The following CDH4 variants were observed in gnomAD, a reference collection of about 807,000 sequenced individuals.
CDH4 encodes cadherin-4.
Under a neutral mutation model 86.0 loss-of-function variants are expected in CDH4, and 33 were observed. That is an observed-to-expected ratio of 0.38 (90% CI 0.29 to 0.51). CDH4 has a LOEUF of 0.51. CDH4 is among the 20% of genes least tolerant of loss of function. The pLI is 0.86. For missense variants in CDH4, 1,114 were observed against 1,307.4 expected, an observed-to-expected ratio of 0.85 and a Z score of 2.28; for synonymous variants, 555 against 549.4, an observed-to-expected ratio of 1.01 and a Z score of -0.14.
chr20:61,934,113 G>A lies in CDH4; in HGVS notation c.2437G>A (p.Ala813Thr), dbSNP rs772746034. 1.1e-5 allele frequency: 17 copies of A among 1,611,416 alleles called. No individual in the cohort carries two copies. Among genetic ancestry groups the A allele is most frequent in the Non-Finnish European group, 1.3e-5 (15 of 1,179,784 alleles). ...AGCCATGGGGCACGTGCCAAGCAAA[G>A]CCCCTGGCGTGCGTCGCGTGGATGA... ...PEAMGHVPSK[A>T]PGVRRVDERP... Residue 813 changes from alanine (A) to threonine (T), a missense_variant, in exon 15 of 16, where the codon GCC becomes ACC. By Grantham distance (58) the Ala-to-Thr change is moderately conservative (BLOSUM62 0). Transcript: ENST00000614565.
At chr20:61,848,167 C>CA (rs1183311664) in intron 5 of CDH4, among the ~76,000 whole-genome samples, 1 of 152,240 alleles carries the variant, frequency 6.6e-6, no homozygotes, top group Non-Finnish European at 1.5e-5. Context: ...GGACCTGGGT[C>CA]CCACACCTGC....
intron 2 of CDH4, among the ~76,000 whole-genome samples, chr20:61,305,779 C>T (rs776518015): frequency 2.0e-5 from 3 of 152,162 alleles, no homozygotes; most frequent in Non-Finnish European, 2.9e-5. Flanking sequence ...AAAGATGCTG[C>T]CACATCACAA....
At chr20:61,595,070 G>T (rs960775218) in intron 2 of CDH4, among the ~76,000 whole-genome samples, 1 of 152,220 alleles carries the variant, frequency 6.6e-6, no homozygotes, top group Non-Finnish European at 1.5e-5. Context: ...CAGAGTGGTT[G>T]GTCACATGTC....
chr20:61,713,531 G>A (rs996762376), intron 2 of CDH4, among the ~76,000 whole-genome samples: 2 of 152,262 alleles, frequency 1.3e-5, no homozygotes, highest in African/African-American at 4.8e-5. Context: ...GAGCTCCCCA[G>A]GACGGAGAGC....
Position 61,807,162 on chromosome 20 carries a change from G to GGCCTC in CDH4, c.576+33982_576+33986dup, listed in dbSNP as rs1174759941. The stretch of plus-strand genomic sequence containing the variant: ...AGGCCAGTGGGGCAGGTGCCGGGAG[G>GGCCTC]GCCTCGGGAGGTGCCTGGTGGGTCC... On this transcript the variant is annotated intron_variant, in intron 4 of 15. Coordinates refer to ENST00000614565, the MANE Select transcript of CDH4 (RefSeq NM_001794.5). This position sits in a 1 kb window ranked among gnomAD's most constrained non-coding sequence, Gnocchi z 4.5. 3.3e-5 allele frequency among the ~76,000 whole-genome samples: 5 copies of GGCCTC among 152,348 alleles called. No homozygotes were observed. The East Asian group carries it at 9.7e-4, about 29-fold the overall frequency.
At chr20:61,649,362 C>T (rs973548098) in intron 2 of CDH4, among the ~76,000 whole-genome samples, 1 of 152,154 alleles carries the variant, frequency 6.6e-6, no homozygotes, top group Non-Finnish European at 1.5e-5. Context: ...GCCGTGTAGG[C>T]CAGGTGTGTG....
rs6089235 is a variant in CDH4 at position 61,516,438 on chromosome 20, G to A, written c.170-227125G>A. Reference sequence around the variant, plus strand: ...CTCCGACTCCTCATCACCAGATGCCGCTGCGGCTTCCATTTTACAGACCGG... The same window carrying A: ...CTCCGACTCCTCATCACCAGATGCCACTGCGGCTTCCATTTTACAGACCGG... On this transcript the variant is annotated intron_variant, in intron 2 of 15. Coordinates refer to ENST00000614565, the MANE Select transcript of CDH4 (RefSeq NM_001794.5). This position sits in a 1 kb window ranked among gnomAD's most constrained non-coding sequence, Gnocchi z 4.0. Among the ~76,000 whole-genome samples the A allele has an allele frequency of 0.022, 3,391 of 152,252 alleles. 47 individuals carry two copies. The highest frequency in any genetic ancestry group is 0.035 in the Non-Finnish European group (2,369 of 68,020).
chr20:61,424,105 T>C (rs755673000), intron 2 of CDH4, among the ~76,000 whole-genome samples: 3 of 150,996 alleles, frequency 2.0e-5, no homozygotes, highest in Non-Finnish European at 3.0e-5. Flanking sequence ...TATACACACA[T>C]ATACACACAT....
intron 2 of CDH4, among the ~76,000 whole-genome samples, chr20:61,531,324 T>C (rs910847738): frequency 6.6e-6 from 1 of 150,964 alleles, no homozygotes; most frequent in African/African-American, 2.5e-5. Flanking sequence ...ATACAAAAAT[T>C]AGCCGGGCAT....
intron 3 of CDH4, among the ~76,000 whole-genome samples, chr20:61,744,816 C>A (rs923601684): frequency 6.6e-6 from 1 of 152,190 alleles, no homozygotes; most frequent in African/African-American, 2.4e-5. Context: ...CCAGTTCTAG[C>A]TGTTAGGTTC....
At chr20:61,638,075 A>C (rs1375100086) in intron 2 of CDH4, among the ~76,000 whole-genome samples, 1 of 150,972 alleles carries the variant, frequency 6.6e-6, no homozygotes, top group East Asian at 1.9e-4. Context: ...GGGGAGTGAG[A>C]TCACAGACAT....
intron 2 of CDH4, among the ~76,000 whole-genome samples, chr20:61,695,969 A>C (rs2087711133): frequency 6.6e-6 from 1 of 152,064 alleles, no homozygotes; most frequent in South Asian, 2.1e-4. Context: ...AGCCCCCTCC[A>C]TGAGGCTCCT....
intron 2 of CDH4, among the ~76,000 whole-genome samples, chr20:61,561,750 G>A (rs2086217760): frequency 1.3e-5 from 2 of 152,218 alleles, no homozygotes; most frequent in South Asian, 4.1e-4. Context: ...AAATGAGCAT[G>A]TTTACTATCT....
At chr20:61,415,226 C>T (rs2085140215) in intron 2 of CDH4, among the ~76,000 whole-genome samples, 3 of 152,132 alleles carry the variant, frequency 2.0e-5, no homozygotes, top group African/African-American at 4.8e-5. Context: ...AGCAGGAGCT[C>T]GGGTTGAAGA....
chr20:61,262,152 C>T (rs1872414189), intron 2 of CDH4, among the ~76,000 whole-genome samples: 3 of 152,186 alleles, frequency 2.0e-5, no homozygotes, highest in African/African-American at 7.2e-5. Flanking sequence ...CTTAGTGAGG[C>T]CGGTTACAGA....
intron 2 of CDH4, among the ~76,000 whole-genome samples, chr20:61,557,247 A>G (rs947191408): frequency 6.6e-5 from 10 of 152,208 alleles, no homozygotes; most frequent in South Asian, 2.1e-4. Context: ...CTGTGTCCCA[A>G]TGACAACACA....
chr20:61,368,810 G>A (rs28815582), intron 2 of CDH4, among the ~76,000 whole-genome samples: 1 of 151,958 alleles, frequency 6.6e-6, no homozygotes, highest in Non-Finnish European at 1.5e-5. Context: ...AGCCACTGCA[G>A]CCGGCTAGGA....
chr20:61,726,128 C>T (rs1157735424), intron 2 of CDH4, among the ~76,000 whole-genome samples: 3 of 152,076 alleles, frequency 2.0e-5, no homozygotes, highest in East Asian at 1.9e-4. Context: ...GGGATAGTCT[C>T]GGGGGGGACT....
chr20:61,771,306 A>C (rs2088773588), intron 3 of CDH4, among the ~76,000 whole-genome samples: 2 of 148,536 alleles, frequency 1.3e-5, no homozygotes, highest in South Asian at 4.8e-4. Context: ...CACCACACCC[A>C]GGCTCTTTTT....
Sources: allele counts gnomAD v4.1 joint callset (sites outside exome capture counted in the v4.1 genomes callset), GRCh38; gene constraint gnomAD v4.1.1; non-coding constraint Gnocchi (gnomAD v3.1); transcripts MANE v1.5; gene names NCBI Gene and HGNC (gene_info 2026-07-23, HGNC 2026-07-21).